The following DLGAP2 variants were observed in gnomAD, a reference collection of about 807,000 sequenced individuals.
DLGAP2 encodes disks large-associated protein 2.
Under a neutral mutation model 100.3 loss-of-function variants are expected in DLGAP2, and 26 were observed. The observed-to-expected ratio is 0.26, with a 90% CI of 0.19 to 0.36. The LOEUF is 0.36. DLGAP2 is among the 10% of genes least tolerant of loss of function. DLGAP2 has a pLI of 1.00. For missense variants in DLGAP2, 1,858 were observed against 1,453.2 expected, an observed-to-expected ratio of 1.28 and a Z score of -4.53; for synonymous variants, 886 against 630.1, an observed-to-expected ratio of 1.41 and a Z score of -6.08.
At chr8:1,077,222 C>T (rs556415063) in intron 2 of DLGAP2, among the ~76,000 whole-genome samples, 1 of 152,328 alleles carries the variant, frequency 6.6e-6, no homozygotes, top group East Asian at 1.9e-4. Context: ...CAGGATCCTC[C>T]ACTCCAGCAT....
chr8:1,310,312 G>T (rs540128481), intron 3 of DLGAP2, among the ~76,000 whole-genome samples: 1 of 152,148 alleles, frequency 6.6e-6, no homozygotes, highest in Admixed American at 6.5e-5. Context: ...ATTCAACAAG[G>T]AGATACAATG....
chr8:1,536,299 C>A (rs1801152186), intron 4 of DLGAP2, among the ~76,000 whole-genome samples: 1 of 152,048 alleles, frequency 6.6e-6, no homozygotes, highest in Admixed American at 6.5e-5. Flanking sequence ...CTGACGACTT[C>A]CCGGGATTGT....
chr8:1,333,627 C>T (rs539787811), intron 3 of DLGAP2, among the ~76,000 whole-genome samples: 37 of 152,304 alleles, frequency 2.4e-4, no homozygotes, highest in Non-Finnish European at 4.4e-4. Context: ...GCGACTGTGG[C>T]GTGAGAAAGG....
chr8:853,878 TGTGATG>T (rs1450538388), intron 1 of DLGAP2, among the ~76,000 whole-genome samples: 1 of 152,064 alleles, frequency 6.6e-6, no homozygotes, highest in Admixed American at 6.5e-5. Flanking sequence ...TAACCCCCAA[TGTGATG>T]GTGTTAGGAG....
At chr8:1,127,453 C>A (rs917514766) in intron 2 of DLGAP2, among the ~76,000 whole-genome samples, 1 of 152,026 alleles carries the variant, frequency 6.6e-6, no homozygotes, top group African/African-American at 2.4e-5. Flanking sequence ...GAGGCCCCTT[C>A]GTGGCCACGT....
At chr8:1,175,678 A>G (rs1461506949) in intron 2 of DLGAP2, among the ~76,000 whole-genome samples, 1 of 152,164 alleles carries the variant, frequency 6.6e-6, no homozygotes, top group African/African-American at 2.4e-5. Flanking sequence ...GGTTTTGTCA[A>G]ACTTTTAGGG....
intron 3 of DLGAP2, among the ~76,000 whole-genome samples, chr8:1,361,617 A>G (rs531411201): frequency 5.9e-5 from 9 of 152,242 alleles, no homozygotes; most frequent in Non-Finnish European, 1.0e-4. Context: ...AACTCACTGC[A>G]TCGTTTAAAC....
At chr8:928,691 G>A (rs1001485450) in intron 2 of DLGAP2, among the ~76,000 whole-genome samples, 6 of 152,080 alleles carry the variant, frequency 3.9e-5, no homozygotes, top group African/African-American at 1.4e-4. Flanking sequence ...CTTGCACCCC[G>A]GGTCAGGCGC....
intron 1 of DLGAP2, among the ~76,000 whole-genome samples, chr8:836,609 C>T (rs1011229960): frequency 6.6e-6 from 1 of 152,144 alleles, no homozygotes; most frequent in Non-Finnish European, 1.5e-5. Flanking sequence ...CTGGAGAACG[C>T]GGCCTGTGGG....
intron 3 of DLGAP2, among the ~76,000 whole-genome samples, chr8:1,264,979 G>T (rs115061539): frequency 8.3e-4 from 126 of 152,254 alleles, no homozygotes; most frequent in African/African-American, 2.9e-3. Context: ...ACATGCCGTT[G>T]CTCCTCCTTT....
chr8:1,297,119 G>A (rs1800198864), intron 3 of DLGAP2: 1 of 152,236 alleles, frequency 6.6e-6, no homozygotes, highest in Admixed American at 6.5e-5. Flanking sequence ...TTTGCTGCGT[G>A]GTTTTCGTGA....
At chr8:1,222,087 C>T (rs1041521771) in intron 2 of DLGAP2, among the ~76,000 whole-genome samples, 1 of 152,154 alleles carries the variant, frequency 6.6e-6, no homozygotes, top group Non-Finnish European at 1.5e-5. Flanking sequence ...GTTGTTTCAG[C>T]CATTTCAATC....
chr8:1,011,930 C>G (rs1468565311), intron 2 of DLGAP2, among the ~76,000 whole-genome samples: 1 of 152,236 alleles, frequency 6.6e-6, no homozygotes, highest in African/African-American at 2.4e-5. Flanking sequence ...CTCTTGCCCT[C>G]TGCTCCACCT....
In DLGAP2 at chr8:905,120, G is replaced by A. The variant is rs113228889; in HGVS notation, c.19-2792G>A. On this transcript the variant is annotated intron_variant, in intron 1 of 14. Transcript: ENST00000637795. ...TCTGCCTTTAGGAAAGTCACACGTG[G>A]ATTCTACCCTGGAAGGTTGATGATT... Among the ~76,000 whole-genome samples the A allele has an allele frequency of 2.8e-3, 431 of 152,302 alleles. 2 individuals carry two copies. Among genetic ancestry groups the A allele is most frequent in the African/African-American group, 9.6e-3 (401 of 41,564 alleles).
Position 1,548,655 on chromosome 8 carries a change from C to A in DLGAP2, c.202C>A (p.His68Asn). ...GCAGTACTCATGGTCGCCCACGCAG[C>A]ACTTCAATGAGGAGCGCTACTCGCC... is the stretch of plus-strand genomic sequence containing the variant. ...DPQYSWSPTQHFNEERYSPAP... is the reference protein window; with the variant it reads ...DPQYSWSPTQNFNEERYSPAP... Residue 68 changes from histidine (H) to asparagine (N), a missense_variant, in exon 5 of 15, where the codon CAC (histidine) becomes AAC (asparagine). Transcript: ENST00000637795. 1.9e-6 allele frequency: 3 copies of A among 1,574,942 alleles called. No individual in the cohort carries two copies. Among genetic ancestry groups the A allele is most frequent in the African/African-American group, 1.4e-5 (1 of 73,812 alleles).
chr8:981,460 A>C (rs1180095700), intron 2 of DLGAP2, among the ~76,000 whole-genome samples: 1 of 152,082 alleles, frequency 6.6e-6, no homozygotes, highest in Non-Finnish European at 1.5e-5. Flanking sequence ...TGGAAGCGCT[A>C]GGTCATTTGG....
intron 2 of DLGAP2, among the ~76,000 whole-genome samples, chr8:999,182 C>A (rs550735344): frequency 6.6e-6 from 1 of 151,636 alleles, no homozygotes; most frequent in East Asian, 1.9e-4. Context: ...CTGTCCAGTC[C>A]CCTCCTCACG....
At chr8:970,143 T>A (rs558520442) in intron 2 of DLGAP2, among the ~76,000 whole-genome samples, 1 of 152,294 alleles carries the variant, frequency 6.6e-6, no homozygotes, top group South Asian at 2.1e-4. Context: ...GGAGCTGCAG[T>A]CATTTGTCAA....
At chr8:1,407,692 C>T (rs1385268136) in intron 3 of DLGAP2, among the ~76,000 whole-genome samples, 18 of 116,888 alleles carry the variant, frequency 1.5e-4, no homozygotes, top group Non-Finnish European at 3.1e-4. Context: ...TGAGCGCCAC[C>T]TCCTCATCCT....
Sources: gnomAD v4.1 joint callset for allele counts (sites outside exome capture counted in the v4.1 genomes callset) on GRCh38, gnomAD v4.1.1 for gene constraint, MANE v1.5 for transcripts, NCBI Gene and HGNC (gene_info 2026-07-23, HGNC 2026-07-21) for gene names.